WDR4: variants seen among roughly 807,000 people sequenced by gnomAD.
The protein encoded by WDR4 is WDR4 tRNA N7-guanosine methyltransferase non-catalytic subunit.
A neutral mutation model predicts 48.6 loss-of-function variants in WDR4; 47 were observed. That is an observed-to-expected ratio of 0.97 (90% confidence interval 0.77 to 1.23). The LOEUF (loss-of-function observed/expected upper bound fraction) is 1.23, where lower values mean the gene tolerates loss of function less well. WDR4 is among the 50% of genes most tolerant of loss of function. The probability of loss-of-function intolerance (pLI) is 0.00; values close to 1 mark genes in which losing one functional copy is unlikely to be tolerated. For missense variants in WDR4, 606 were observed against 551.6 expected (o/e 1.10, Z -0.99); for synonymous variants, 268 against 230.0 (o/e 1.17, Z -1.49).
intron 7 of WDR4, among the ~76,000 whole-genome samples, chr21:42,855,318 G>C (rs533184518): frequency 1.3e-5 from 2 of 152,274 alleles, no homozygotes; most frequent in African/African-American, 4.8e-5. Context: ...TGGGCTTTCA[G>C]GGTGTCATGA....
At chr21:42,857,458 C>T (rs990851499) in intron 6 of WDR4, among the ~76,000 whole-genome samples, 5 of 152,142 alleles carry the variant, frequency 3.3e-5, no homozygotes, top group African/African-American at 1.2e-4. Context: ...GTGCTGACTC[C>T]CATCACACAC....
the WDR4 span, among the ~76,000 whole-genome samples, chr21:42,891,588 G>T: frequency 6.6e-6 from 1 of 151,888 alleles, no homozygotes; most frequent in Non-Finnish European, 1.5e-5. Flanking sequence ...ACTAAGCTGT[G>T]AATTATTAAG....
At chr21:42,865,528 C>T (rs73368734) in intron 3 of WDR4, among the ~76,000 whole-genome samples, 1,797 of 152,254 alleles carry the variant, frequency 0.012, 38 homozygotes, top group African/African-American at 0.041. Flanking sequence ...CACTGCTCCG[C>T]GTCCCTTTGT....
chr21:42,864,790 T>C (rs2058211707), intron 3 of WDR4, among the ~76,000 whole-genome samples: 1 of 152,198 alleles, frequency 6.6e-6, no homozygotes, highest in African/African-American at 2.4e-5. Context: ...TCGTCCCGTA[T>C]TTATGTCCTC....
At chr21:42,882,334 G>A (rs897668878), upstream of WDR4, among the ~76,000 whole-genome samples, 13 of 149,986 alleles carry the variant, frequency 8.7e-5, no homozygotes, top group Non-Finnish European at 1.8e-4. Context: ...AGGCCAAGGC[G>A]AGCAGATCAC....
chr21:42,877,566 C>CT (rs1391594687), intron 1 of WDR4, among the ~76,000 whole-genome samples: 1 of 150,872 alleles, frequency 6.6e-6, no homozygotes, highest in Non-Finnish European at 1.5e-5. Flanking sequence ...GACAAGAAAA[C>CT]TGTCTAGATA....
chr21:42,859,617 A>G, intron 6 of WDR4, 45 bp downstream of exon 6: 5 of 307,620 alleles, frequency 1.6e-5, no homozygotes, highest in African/African-American at 3.9e-5. Flanking sequence ...CCCTCCCTGC[A>G]GGCTCAAGAA....
downstream of WDR4, among the ~76,000 whole-genome samples, chr21:42,847,497 G>C (rs1212850263): frequency 6.6e-6 from 1 of 152,170 alleles, no homozygotes; most frequent in Non-Finnish European, 1.5e-5. Flanking sequence ...AGGAATAGCA[G>C]GAAGCCAACC....
chr21:42,855,334 C>T lies in WDR4; in HGVS notation c.726+348G>A, dbSNP rs370998772. On this transcript the variant is annotated intron_variant, in intron 7 of 10. Coordinates refer to ENST00000398208, the MANE Select transcript of WDR4 (RefSeq NM_018669.6). ...GGGCTTTCAGGGTGTCATGAGATTGCTCCAAGCTGGCCGGAGAATGCTGGA... is the reference window on the plus strand; with the variant it reads ...GGGCTTTCAGGGTGTCATGAGATTGTTCCAAGCTGGCCGGAGAATGCTGGA... 1.4e-4 allele frequency among the ~76,000 whole-genome samples: 22 copies of T among 152,272 alleles called. 1 individual carries two copies. In the South Asian group the frequency reaches 2.1e-3, roughly 14 times the overall value.
At position 42,870,299 on chromosome 21, in the gene WDR4, C is replaced by T. The variant is rs530664095; in HGVS notation, c.296+3252G>A. 2.5e-4 allele frequency among the ~76,000 whole-genome samples: 38 copies of T among 152,154 alleles called. No individual in the cohort carries two copies. The East Asian group carries it at 6.2e-3, about 25-fold the overall frequency. On this transcript the variant is annotated intron_variant, in intron 3 of 10. Transcript: ENST00000398208. ...CCGGGAGGTGGAGGTTGCAGTGAGC[C>T]GGGATTGGGCCACTGCACTCCAGCC... is the stretch of plus-strand genomic sequence containing the variant.
At chr21:42,882,285 G>T (rs958307399), upstream of WDR4, among the ~76,000 whole-genome samples, 1 of 151,114 alleles carries the variant, frequency 6.6e-6, no homozygotes, top group Admixed American at 6.6e-5. Context: ...TGGATTGGCC[G>T]GGTGCAGTGG....
intron 1 of WDR4, 105 bp downstream of exon 1, chr21:42,879,301 CA>C: frequency 6.8e-7 from 1 of 1,462,546 alleles, no homozygotes. Context: ...TCCCCGGGGT[CA>C]CCCCAGAGTG....
chr21:42,887,513 C>T, the WDR4 span, among the ~76,000 whole-genome samples: 24 of 152,160 alleles, frequency 1.6e-4, no homozygotes, highest in African/African-American at 3.9e-4. Context: ...TCGTGTCACA[C>T]GGCATTTTAA....
intron 1 of WDR4, among the ~76,000 whole-genome samples, chr21:42,877,181 T>G (rs958281438): frequency 7.5e-6 from 1 of 132,752 alleles, no homozygotes; most frequent in African/African-American, 2.9e-5. Flanking sequence ...TCTCGCTCTA[T>G]CACTCAGGCT....
chr21:42,888,224 GA>G, the WDR4 span, among the ~76,000 whole-genome samples: 24 of 152,228 alleles, frequency 1.6e-4, 1 homozygote, highest in Admixed American at 1.4e-3. Context: ...AGCGAACATA[GA>G]TAGATACATA....
In WDR4 at chr21:42,879,510, C is replaced by A. The variant is rs542902237; in HGVS notation, c.-15G>T. Reference sequence around the variant, plus strand: ...GAGCCCGCCATGTACCCGCCCGCCTCACCGCCATACACATGTGCCAGCCCA... The same window carrying A: ...GAGCCCGCCATGTACCCGCCCGCCTAACCGCCATACACATGTGCCAGCCCA... On this transcript the variant is annotated 5_prime_UTR_variant, in exon 1 of 11. Transcript: ENST00000398208. The A allele has an allele frequency of 2.2e-5, 35 of 1,612,770 alleles. No homozygotes were observed. In the African/African-American group the frequency reaches 4.0e-4, roughly 18 times the overall value.
upstream of WDR4, chr21:42,883,607 G>A (rs995232947): frequency 2.0e-5 from 3 of 153,706 alleles, no homozygotes; most frequent in African/African-American, 4.8e-5. Context: ...ACTGAGAAGA[G>A]AAGGGAGAAG....
chr21:42,845,109 T>C (rs2057699482), downstream of WDR4, among the ~76,000 whole-genome samples: 1 of 152,166 alleles, frequency 6.6e-6, no homozygotes, highest in Admixed American at 6.5e-5. Context: ...GGGCCACACA[T>C]ATCTGCACGT....
chr21:42,851,729 C>T (rs918648949), intron 10 of WDR4, among the ~76,000 whole-genome samples: 11 of 152,238 alleles, frequency 7.2e-5, no homozygotes, highest in Admixed American at 5.9e-4. Flanking sequence ...GCCGCAGCCA[C>T]GGGAGTTGCT....
Sources: allele counts gnomAD v4.1 joint callset (sites outside exome capture counted in the v4.1 genomes callset), GRCh38; gene constraint gnomAD v4.1.1; transcripts MANE v1.5; gene names NCBI Gene and HGNC (gene_info 2026-07-23, HGNC 2026-07-21).